Variants in LEF1 observed in about 807,000 individuals in gnomAD.
LEF1 encodes the protein lymphoid enhancer binding factor 1.
LEF1 carries 14 observed loss-of-function variants against 51.2 expected under a neutral mutation model. That is an observed-to-expected ratio of 0.27 (90% confidence interval 0.18 to 0.43). The LOEUF (loss-of-function observed/expected upper bound fraction) is 0.43, where lower values mean the gene tolerates loss of function less well. Among genes scored for constraint, LEF1 ranks in the 20% least tolerant of loss-of-function variants. The probability of loss-of-function intolerance (pLI) is 1.00; values close to 1 mark genes in which losing one functional copy is unlikely to be tolerated. For missense variants in LEF1, 386 were observed against 512.0 expected, an observed-to-expected ratio of 0.75 and a Z score of 2.37; for synonymous variants, 185 against 183.2, an observed-to-expected ratio of 1.01 and a Z score of -0.08.
At chr4:108,074,197 CT>C (rs1553949539) in intron 8 of LEF1, among the ~76,000 whole-genome samples, 2 of 152,178 alleles carry the variant, frequency 1.3e-5, no homozygotes, top group Non-Finnish European at 2.9e-5. Context: ...ACAGGAATTT[CT>C]GAAACACAAT....
chr4:108,166,770 C>T (rs1745425460), intron 1 of LEF1: 2 of 986,956 alleles, frequency 2.0e-6, no homozygotes, highest in African/African-American at 1.7e-5. Flanking sequence ...GATTTAAGGC[C>T]TGATCCGGTC....
chr4:108,079,713 G>A, intron 6 of LEF1, 99 bp from the exon 7 acceptor site: 1 of 1,192,352 alleles, frequency 8.4e-7, no homozygotes, highest in Middle Eastern at 2.5e-4. Context: ...CTGGCTAAGA[G>A]TAAAAACACA....
chr4:108,054,170 T>C (rs1017546529), intron 11 of LEF1, among the ~76,000 whole-genome samples: 1 of 152,178 alleles, frequency 6.6e-6, no homozygotes, highest in African/African-American at 2.4e-5. Context: ...GTCCATCGGT[T>C]ACCACCTGGA....
intron 3 of LEF1, among the ~76,000 whole-genome samples, chr4:108,149,527 T>C (rs1232623941): frequency 6.9e-6 from 1 of 145,024 alleles, no homozygotes; most frequent in African/African-American, 2.5e-5. Flanking sequence ...GTATTTAAAA[T>C]AACAACAAAA....
chr4:108,099,568 G>C (rs367610259), intron 3 of LEF1, among the ~76,000 whole-genome samples: 1 of 48,178 alleles, frequency 2.1e-5, no homozygotes, highest in African/African-American at 7.2e-5. Context: ...GTGTGTGTGT[G>C]TGTATATATA....
intron 11 of LEF1, among the ~76,000 whole-genome samples, chr4:108,049,542 C>T (rs141648697): frequency 6.6e-6 from 1 of 152,272 alleles, no homozygotes; most frequent in East Asian, 1.9e-4. Flanking sequence ...GGCAAAGTTC[C>T]GTTCCTTCAC....
chr4:108,128,323 A>G (rs1312904677), intron 3 of LEF1, among the ~76,000 whole-genome samples: 1 of 152,204 alleles, frequency 6.6e-6, no homozygotes, highest in Non-Finnish European at 1.5e-5. Context: ...TATGGGTTTA[A>G]GAAAAACAAC....
At chr4:108,165,688 C>T (rs984687413) in intron 1 of LEF1, among the ~76,000 whole-genome samples, 2 of 152,308 alleles carry the variant, frequency 1.3e-5, no homozygotes, top group East Asian at 3.9e-4. Flanking sequence ...AAGCTCCACT[C>T]GAGCTTATAA....
intron 11 of LEF1, among the ~76,000 whole-genome samples, chr4:108,062,972 A>G (rs1336372417): frequency 6.6e-6 from 1 of 152,220 alleles, no homozygotes; most frequent in Non-Finnish European, 1.5e-5. Flanking sequence ...ATGTGGAAAT[A>G]AATAAAAAAT....
At chr4:108,085,771 G>A (rs1419203361) in intron 4 of LEF1, among the ~76,000 whole-genome samples, 1 of 152,140 alleles carries the variant, frequency 6.6e-6, no homozygotes, top group Non-Finnish European at 1.5e-5. Flanking sequence ...TTACAGCTCT[G>A]AGAAATCTTT....
At chr4:108,166,199 T>C (rs1044362770) in intron 1 of LEF1, 1 of 1,463,968 alleles carries the variant, frequency 6.8e-7, no homozygotes, top group Non-Finnish European at 9.1e-7. Context: ...CCGCTCAAAC[T>C]GGATTCAACG....
chr4:108,057,741 A>G lies in LEF1; in HGVS notation c.*6+5882T>C, dbSNP rs898584325. On this transcript the variant is annotated intron_variant, in intron 11 of 11. Coordinates refer to ENST00000265165, the MANE Select transcript of LEF1 (RefSeq NM_016269.5). Reference sequence around the variant, plus strand: ...GAAACAATCTTCTTAAAAAATGTAAATCCAAGCACTGAACATTAACTACTA... The same window carrying G: ...GAAACAATCTTCTTAAAAAATGTAAGTCCAAGCACTGAACATTAACTACTA... Among the ~76,000 whole-genome samples, 74 of 152,188 alleles carry G rather than the reference A, an allele frequency of 4.9e-4. 2 individuals are homozygous for G. Among genetic ancestry groups the G allele is most frequent in the Admixed American group, 4.6e-3 (71 of 15,282 alleles).
intron 3 of LEF1, among the ~76,000 whole-genome samples, chr4:108,092,328 A>G (rs1373823287): frequency 2.0e-5 from 3 of 152,240 alleles, no homozygotes; most frequent in Non-Finnish European, 4.4e-5. Flanking sequence ...TAATAAAAGT[A>G]ATATGAAATT....
At chr4:108,099,248 T>A (rs1401551927) in intron 3 of LEF1, among the ~76,000 whole-genome samples, 1 of 152,108 alleles carries the variant, frequency 6.6e-6, no homozygotes, top group African/African-American at 2.4e-5. Flanking sequence ...GCATTTGTGA[T>A]CTGCACTACA....
In LEF1 at chr4:108,167,799, G is replaced by T; in HGVS notation, c.-32C>A. On this transcript the variant is annotated 5_prime_UTR_variant, in exon 1 of 12. Coordinates refer to ENST00000265165, the MANE Select transcript of LEF1 (RefSeq NM_016269.5). This position sits in a 1 kb window ranked among gnomAD's most constrained non-coding sequence, Gnocchi z 5.7. ...GGCTCTGTAATCTCCGCTCCGCTGT[G>T]GGAGCACCCGCGCAACAGCAGGAAA... The T allele has an allele frequency of 6.3e-7, 1 of 1,586,396 alleles. No homozygotes were observed. The highest frequency in any genetic ancestry group is 8.6e-7 in the Non-Finnish European group (1 of 1,162,444).
chr4:108,053,922 T>C (rs1387298411), intron 11 of LEF1, among the ~76,000 whole-genome samples: 3 of 152,238 alleles, frequency 2.0e-5, no homozygotes, highest in African/African-American at 7.2e-5. Flanking sequence ...CACATTTCTC[T>C]CAACAGACGT....
At chr4:108,118,582 C>A (rs1741977343) in intron 3 of LEF1, among the ~76,000 whole-genome samples, 1 of 152,210 alleles carries the variant, frequency 6.6e-6, no homozygotes, top group Non-Finnish European at 1.5e-5. Context: ...GCCAGGGACT[C>A]TCCCAAGTAC....
chr4:108,058,294 CT>C (rs1737438690), intron 11 of LEF1, among the ~76,000 whole-genome samples: 1 of 152,032 alleles, frequency 6.6e-6, no homozygotes, highest in African/African-American at 2.4e-5. Flanking sequence ...AGGTGGTAGG[CT>C]TTTTATATTT....
rs573685156 is a variant in LEF1 at position 108,098,464 on chromosome 4, C to T, written c.415-9207G>A. Among the ~76,000 whole-genome samples the T allele has an allele frequency of 5.9e-5, 9 of 151,974 alleles. No homozygotes were observed. In the East Asian group the frequency reaches 7.7e-4, roughly 13 times the overall value. ...AATGGAGGGTGCAAAATTCCATAAG[C>T]GAAGCCAACAGACTTAAATCTAATT... On this transcript the variant is annotated intron_variant, in intron 3 of 11. Transcript: ENST00000265165.
Sources: allele counts gnomAD v4.1 joint callset (sites outside exome capture counted in the v4.1 genomes callset), GRCh38; gene constraint gnomAD v4.1.1; non-coding constraint Gnocchi (gnomAD v3.1); transcripts MANE v1.5; gene names NCBI Gene and HGNC (gene_info 2026-07-23, HGNC 2026-07-21).